KCNH1: variants seen among roughly 807,000 people sequenced by gnomAD.
KCNH1 encodes potassium voltage-gated channel subfamily H member 1.
KCNH1 carries 27 observed loss-of-function variants against 69.2 expected under a neutral mutation model. That is an observed-to-expected ratio of 0.39 (90% CI 0.29 to 0.54). The LOEUF is 0.54. Ranked by LOEUF, KCNH1 falls within the 20% of genes least tolerant of loss-of-function variation. KCNH1 has a pLI of 0.68. For synonymous variants in KCNH1, 456 were observed against 487.7 expected, an observed-to-expected ratio of 0.93 and a Z score of 0.86; for missense variants, 798 against 1,261.6, an observed-to-expected ratio of 0.63 and a Z score of 5.57.
At chr1:211,089,656 C>G (rs1691017619) in intron 4 of KCNH1, among the ~76,000 whole-genome samples, 1 of 152,202 alleles carries the variant, frequency 6.6e-6, no homozygotes, top group Non-Finnish European at 1.5e-5. Flanking sequence ...TAACTCTCCC[C>G]TGGACTCCAC....
chr1:210,999,760 C>A (rs1249685561), intron 6 of KCNH1, among the ~76,000 whole-genome samples: 2 of 152,198 alleles, frequency 1.3e-5, no homozygotes, highest in African/African-American at 4.8e-5. Context: ...ATGCAGAAAT[C>A]CTCAATAAAA....
At chr1:211,077,022 C>T (rs1475713042) in intron 5 of KCNH1, among the ~76,000 whole-genome samples, 1 of 151,912 alleles carries the variant, frequency 6.6e-6, no homozygotes, top group Non-Finnish European at 1.5e-5. Context: ...GATTGAAAAT[C>T]AAATTAATAA....
chr1:210,970,948 A>G (rs1255377387), intron 6 of KCNH1, among the ~76,000 whole-genome samples: 6 of 152,194 alleles, frequency 3.9e-5, no homozygotes, highest in Admixed American at 6.6e-5. Flanking sequence ...AATAAAAAAC[A>G]AAAACAAAAA....
chr1:211,102,991 C>T (rs896637031), intron 3 of KCNH1, among the ~76,000 whole-genome samples: 1 of 152,228 alleles, frequency 6.6e-6, no homozygotes, highest in Non-Finnish European at 1.5e-5. Context: ...ACCTCATTAA[C>T]ATACTTTGTG....
intron 10 of KCNH1, among the ~76,000 whole-genome samples, chr1:210,700,366 T>G (rs903738703): frequency 1.3e-5 from 2 of 152,154 alleles, no homozygotes; most frequent in African/African-American, 4.8e-5. Flanking sequence ...GCCAGCTTCA[T>G]GCTCTCATCT....
At chr1:210,929,058 T>G (rs1687632047) in intron 6 of KCNH1, among the ~76,000 whole-genome samples, 1 of 152,054 alleles carries the variant, frequency 6.6e-6, no homozygotes, top group Non-Finnish European at 1.5e-5. Flanking sequence ...CAAGAAAAAG[T>G]CAAGGGCCAG....
chr1:210,805,544 T>G (rs1684533237), intron 7 of KCNH1, among the ~76,000 whole-genome samples: 1 of 152,038 alleles, frequency 6.6e-6, no homozygotes, highest in Admixed American at 6.5e-5. Flanking sequence ...TTTTCTAGAA[T>G]TTTATATACA....
intron 10 of KCNH1, among the ~76,000 whole-genome samples, chr1:210,757,540 C>G (rs974276248): frequency 2.6e-5 from 4 of 152,228 alleles, no homozygotes; most frequent in Non-Finnish European, 5.9e-5. Context: ...CTCCCTGACT[C>G]TTCAGGTTGT....
At chr1:210,723,187 C>T (rs1167263746) in intron 10 of KCNH1, among the ~76,000 whole-genome samples, 2 of 152,136 alleles carry the variant, frequency 1.3e-5, no homozygotes, top group African/African-American at 2.4e-5. Context: ...CTCTCAAATT[C>T]CTTTCCTTCC....
chr1:211,091,574 C>A (rs534702639), intron 3 of KCNH1, among the ~76,000 whole-genome samples: 1 of 152,156 alleles, frequency 6.6e-6, no homozygotes, highest in African/African-American at 2.4e-5. Flanking sequence ...CACAATAATT[C>A]CCCCATACAA....
In KCNH1 at chr1:210,734,498, A is replaced by G. The variant is rs1445639679; in HGVS notation, c.2112+40850T>C. Among the ~76,000 whole-genome samples, 3 of 152,220 alleles carry G rather than the reference A, an allele frequency of 2.0e-5. No homozygotes were observed. The South Asian group carries it at 6.2e-4, about 32-fold the overall frequency. ...TTCAAGTCCTACATTTTATCTTACA[A>G]TTAGGTAAAGTTTGCATTCCACTAA... is the stretch of plus-strand genomic sequence containing the variant. On this transcript the variant is annotated intron_variant, in intron 10 of 10. Transcript: ENST00000271751.
intron 6 of KCNH1, among the ~76,000 whole-genome samples, chr1:210,969,855 T>C (rs1003077545): frequency 4.6e-5 from 7 of 152,136 alleles, no homozygotes; most frequent in African/African-American, 1.4e-4. Context: ...ATCTTAAATT[T>C]CCATCTAAGT....
chr1:210,862,449 C>T (rs1334798244), intron 7 of KCNH1, among the ~76,000 whole-genome samples: 1 of 152,218 alleles, frequency 6.6e-6, no homozygotes, highest in African/African-American at 2.4e-5. Flanking sequence ...GATCCTCCCA[C>T]CTCAGCCTCC....
intron 1 of KCNH1, among the ~76,000 whole-genome samples, chr1:211,116,470 TGCAG>T (rs1691584642): frequency 6.6e-6 from 1 of 152,228 alleles, no homozygotes; most frequent in Non-Finnish European, 1.5e-5. Flanking sequence ...AGAGTTTTTA[TGCAG>T]GCAATACTTA....
At chr1:210,912,340 A>C (rs1270881428) in intron 7 of KCNH1, among the ~76,000 whole-genome samples, 1 of 152,150 alleles carries the variant, frequency 6.6e-6, no homozygotes, top group Non-Finnish European at 1.5e-5. Flanking sequence ...TCCCAACCAC[A>C]CAAAATGACT....
At chr1:211,010,967 C>A (rs1255467310) in intron 6 of KCNH1, among the ~76,000 whole-genome samples, 7 of 152,102 alleles carry the variant, frequency 4.6e-5, no homozygotes, top group Admixed American at 4.6e-4. Context: ...GTATTCTGCT[C>A]CCCAGTGCTA....
intron 8 of KCNH1, among the ~76,000 whole-genome samples, chr1:210,798,190 C>T (rs1334553568): frequency 6.6e-6 from 1 of 152,024 alleles, no homozygotes; most frequent in Non-Finnish European, 1.5e-5. Flanking sequence ...CAGGCGCCCA[C>T]CACCACACCC....
At chr1:210,788,550 C>T (rs901044320) in intron 9 of KCNH1, among the ~76,000 whole-genome samples, 34 of 152,144 alleles carry the variant, frequency 2.2e-4, no homozygotes, top group African/African-American at 7.7e-4. Context: ...TTTAAAATTA[C>T]TTAAGCAAAC....
intron 9 of KCNH1, among the ~76,000 whole-genome samples, chr1:210,782,147 G>T (rs779114233): frequency 3.3e-5 from 5 of 152,098 alleles, no homozygotes; most frequent in Non-Finnish European, 7.4e-5. Context: ...CATCGTAATT[G>T]GAACTGCTGC....
Sources: gnomAD v4.1 joint callset for allele counts (sites outside exome capture counted in the v4.1 genomes callset) on GRCh38, gnomAD v4.1.1 for gene constraint, MANE v1.5 for transcripts, NCBI Gene and HGNC (gene_info 2026-07-23, HGNC 2026-07-21) for gene names.